NELL2: variants seen among roughly 807,000 people sequenced by gnomAD.
The protein encoded by NELL2 is neural EGFL like 2, also known as protein kinase C-binding protein NELL2.
A neutral mutation model predicts 109.6 loss-of-function variants in NELL2; 41 were observed. The ratio of observed to expected loss-of-function variants is 0.37; its 90% CI spans 0.29 to 0.49. The LOEUF (loss-of-function observed/expected upper bound fraction) is 0.49, where lower values mean the gene tolerates loss of function less well. NELL2 is among the 20% of genes least tolerant of loss of function. The pLI is 0.98. For missense variants in NELL2, 900 were observed against 1,008.3 expected (o/e 0.89, Z 1.45); for synonymous variants, 355 against 344.7 (o/e 1.03, Z -0.33).
chr12:44,582,596 G>A (rs1278991900), intron 15 of NELL2, among the ~76,000 whole-genome samples: 3 of 152,052 alleles, frequency 2.0e-5, no homozygotes, highest in African/African-American at 4.8e-5. Context: ...AGTGGTGGCC[G>A]AAAGGTAGAA....
rs1178237995 is a variant in NELL2 at position 44,895,879 on chromosome 12, C to G, written c.38+17920G>C. 2.6e-5 allele frequency among the ~76,000 whole-genome samples: 4 copies of G among 152,122 alleles called. No individual in the cohort carries two copies. In the East Asian group the frequency reaches 7.7e-4, roughly 29 times the overall value. ...GTGCATAACTGGATTATATTATCAT[C>G]TAACACATTTACACTGATAAACACT... On this transcript the variant is annotated intron_variant, in intron 1 of 20. Coordinates refer to the NELL2 transcript ENST00000333837.
intron 13 of NELL2, among the ~76,000 whole-genome samples, chr12:44,636,801 A>G (rs1356827704): frequency 6.6e-6 from 1 of 152,156 alleles, no homozygotes; most frequent in Admixed American, 6.6e-5. Context: ...GCCTCATAAA[A>G]TGAGTTAGGG....
At chr12:44,782,184 G>A (rs559710615) in intron 3 of NELL2, among the ~76,000 whole-genome samples, 1 of 151,878 alleles carries the variant, frequency 6.6e-6, no homozygotes, top group South Asian at 2.1e-4. Context: ...CACTCAAACT[G>A]GTAAAATGAC....
intron 9 of NELL2, among the ~76,000 whole-genome samples, chr12:44,760,110 T>C (rs1414013338): frequency 1.3e-5 from 2 of 152,190 alleles, no homozygotes; most frequent in Non-Finnish European, 2.9e-5. Context: ...TGCCTCCTCA[T>C]ATACAGTGGA....
intron 9 of NELL2, among the ~76,000 whole-genome samples, chr12:44,720,490 G>C (rs1041373628): frequency 1.3e-5 from 2 of 152,114 alleles, no homozygotes; most frequent in Non-Finnish European, 2.9e-5. Context: ...CTTTCAACTC[G>C]AGCACATTTG....
intron 1 of NELL2, among the ~76,000 whole-genome samples, chr12:44,911,935 G>C (rs933451957): frequency 7.2e-4 from 109 of 151,370 alleles, no homozygotes; most frequent in East Asian, 1.9e-4. Context: ...AAACCTGCAC[G>C]TTGTGCACAT....
chr12:44,583,556 A>G (rs1223053938), intron 15 of NELL2, among the ~76,000 whole-genome samples: 1 of 151,954 alleles, frequency 6.6e-6, no homozygotes, highest in African/African-American at 2.4e-5. Context: ...GACATTTACC[A>G]TATGTCATGA....
intron 19 of NELL2, among the ~76,000 whole-genome samples, chr12:44,513,915 T>A (rs1270471343): frequency 3.5e-5 from 5 of 142,712 alleles, no homozygotes; most frequent in Non-Finnish European, 3.0e-5. Flanking sequence ...AACTTAGATA[T>A]CCAAAAAGCC....
At chr12:44,884,272 G>A (rs56181373) in intron 1 of NELL2, among the ~76,000 whole-genome samples, 22,121 of 151,750 alleles carry the variant, frequency 0.15, 1,881 homozygotes, top group Admixed American at 0.22. Context: ...TCACAATTAA[G>A]ACACAACAAT....
intron 2 of NELL2, chr12:44,851,921 G>A (rs890979030): frequency 3.3e-5 from 5 of 152,096 alleles, no homozygotes; most frequent in Admixed American, 3.3e-4. Flanking sequence ...AATGCCATAA[G>A]AACAGATTTT....
chr12:44,789,485 C>T (rs1297812281), intron 3 of NELL2, among the ~76,000 whole-genome samples: 6 of 152,164 alleles, frequency 3.9e-5, no homozygotes, highest in Admixed American at 3.9e-4. Flanking sequence ...GGATTCAGCC[C>T]TAGACCTTCC....
chr12:44,795,250 T>C (rs1942578053), intron 3 of NELL2, among the ~76,000 whole-genome samples: 1 of 152,160 alleles, frequency 6.6e-6, no homozygotes, highest in Non-Finnish European at 1.5e-5. Context: ...TACAAATTAG[T>C]CACCTAAAGA....
intron 15 of NELL2, among the ~76,000 whole-genome samples, chr12:44,587,889 C>T (rs1308845531): frequency 1.3e-5 from 2 of 152,242 alleles, no homozygotes; most frequent in South Asian, 2.1e-4. Context: ...CAGTGGCTCA[C>T]ACCTGTAATC....
chr12:44,622,959 T>A (rs979369430), intron 13 of NELL2, among the ~76,000 whole-genome samples: 1 of 152,162 alleles, frequency 6.6e-6, no homozygotes, highest in African/African-American at 2.4e-5. Flanking sequence ...GTATCTTTTG[T>A]GCAGTTTTAT....
intron 15 of NELL2, among the ~76,000 whole-genome samples, chr12:44,561,429 C>A (rs942213272): frequency 6.6e-6 from 1 of 152,122 alleles, no homozygotes; most frequent in Non-Finnish European, 1.5e-5. Flanking sequence ...TTTTTAAAAA[C>A]CCCATTGTCT....
Position 44,563,852 on chromosome 12 carries a change from C to A in NELL2, c.1664-31131G>T, listed in dbSNP as rs369748797. Among the ~76,000 whole-genome samples, 10 of 152,174 alleles carry A rather than the reference C, an allele frequency of 6.6e-5. No homozygotes were observed. The East Asian group carries it at 1.7e-3, about 26-fold the overall frequency. ...GTTAATGCCGCAGATATTACAAATG[C>A]AGAGAATTACCAGTTTGCTTCTGGT... On this transcript the variant is annotated intron_variant, in intron 15 of 19. Transcript: ENST00000429094.
chr12:44,818,170 C>T (rs927550856), intron 2 of NELL2, among the ~76,000 whole-genome samples: 8 of 152,146 alleles, frequency 5.3e-5, no homozygotes, highest in Non-Finnish European at 2.9e-5. Flanking sequence ...CAACATTCCT[C>T]TTAGCTCCAA....
intron 12 of NELL2, among the ~76,000 whole-genome samples, chr12:44,687,192 C>A (rs1403314306): frequency 6.6e-6 from 1 of 152,216 alleles, no homozygotes; most frequent in African/African-American, 2.4e-5. Context: ...TCACCACTTT[C>A]TTTGACTAGG....
intron 15 of NELL2, among the ~76,000 whole-genome samples, chr12:44,564,338 A>G (rs1280240354): frequency 6.6e-6 from 1 of 152,240 alleles, no homozygotes; most frequent in East Asian, 1.9e-4. Flanking sequence ...TACACAGAAT[A>G]GAAATATTGA....
Sources: gnomAD v4.1 joint callset for allele counts (sites outside exome capture counted in the v4.1 genomes callset) on GRCh38, gnomAD v4.1.1 for gene constraint, MANE v1.5 for transcripts, NCBI Gene and HGNC (gene_info 2026-07-23, HGNC 2026-07-21) for gene names.